Variants in MPND observed in about 807,000 individuals in gnomAD.
MPND encodes the protein MPN domain-containing protein.
A neutral mutation model predicts 59.2 loss-of-function variants in MPND; 56 were observed. The observed-to-expected ratio is 0.95, with a 90% CI of 0.76 to 1.18. The LOEUF (loss-of-function observed/expected upper bound fraction) is 1.18, where lower values mean the gene tolerates loss of function less well. Ranked by LOEUF, MPND falls within the 50% of genes most tolerant of loss-of-function variation. MPND has a pLI of 0.00. For missense variants in MPND, 671 were observed against 676.0 expected, an observed-to-expected ratio of 0.99 and a Z score of 0.08; for synonymous variants, 323 against 291.9, an observed-to-expected ratio of 1.11 and a Z score of -1.09.
chr19:4,352,884 CT>C lies in MPND; in HGVS notation c.532-12del, dbSNP rs769665643. Reference sequence around the variant, plus strand: ...AGGGTCCCACCGCTGTCCCTGACCCCTAACCCCTGCAGAGCCCAGCCAGTGA... The same window carrying C: ...AGGGTCCCACCGCTGTCCCTGACCCCAACCCCTGCAGAGCCCAGCCAGTGA... On this transcript the variant is annotated splice_polypyrimidine_tract_variant and intron_variant, in intron 3 of 12. Transcript: ENST00000599840. The C allele has an allele frequency of 1.5e-5, 20 of 1,359,994 alleles. No homozygotes were observed. Among genetic ancestry groups the C allele is most frequent in the Non-Finnish European group, 1.4e-5 (15 of 1,047,076 alleles). The allele number at this position is 1,359,994 out of a possible 1,614,324, so 84.2% of individuals were successfully genotyped here.
intron 4 of MPND, 146 bp downstream of exon 4, chr19:4,353,175 G>C: frequency 1.7e-6 from 1 of 583,922 alleles, no homozygotes; most frequent in Non-Finnish European, 2.6e-6. Flanking sequence ...GTCTGGAGCC[G>C]GACGAGGCCT....
chr19:4,350,452 C>T (rs761979837), intron 3 of MPND, among the ~76,000 whole-genome samples: 10 of 151,660 alleles, frequency 6.6e-5, no homozygotes, highest in South Asian at 2.1e-4. Context: ...ACTAGACTGT[C>T]GGGGGTTAGG....
At chr19:4,349,035 T>C (rs1443922882) in intron 3 of MPND, 1 of 216,430 alleles carries the variant, frequency 4.6e-6, no homozygotes, top group Non-Finnish European at 9.8e-6. Context: ...AGCAGAGGGG[T>C]TGAAAGAGTG....
chr19:4,343,746 G>A lies in MPND; in HGVS notation c.46G>A (p.Glu16Lys). ...PLSPAGGAGE[E>K]APEEDEDEAE... is the part of the protein sequence containing the mutation. The stretch of plus-strand genomic sequence containing the variant: ...GTCCCCGGCGGGCGGTGCGGGCGAG[G>A]AGGCGCCGGAGGAGGACGAGGACGA... Residue 16 changes from glutamate (E) to lysine (K), a missense_variant, in exon 2 of 13, where the codon GAG becomes AAG. Transcript: ENST00000599840. 3 of 1,208,494 alleles carry A rather than the reference G, an allele frequency of 2.5e-6. No individual in the cohort carries two copies. Among genetic ancestry groups the A allele is most frequent in the Non-Finnish European group, 3.1e-6 (3 of 972,384 alleles). 74.9% of individuals were successfully genotyped at this position (1,208,494 alleles called of 1,614,324 possible).
At chr19:4,351,192 C>T (rs1290545964) in intron 3 of MPND, among the ~76,000 whole-genome samples, 2 of 152,190 alleles carry the variant, frequency 1.3e-5, no homozygotes, top group African/African-American at 4.8e-5. Flanking sequence ...CAGTCTCCGC[C>T]TCCCGGGTTC....
chr19:4,347,824 A>C, intron 3 of MPND: 2 of 331,560 alleles, frequency 6.0e-6, no homozygotes, highest in Admixed American at 7.2e-5. Flanking sequence ...TCCAGTGTCT[A>C]CAAGGAACTG....
intron 3 of MPND, among the ~76,000 whole-genome samples, chr19:4,349,805 G>C (rs1972274197): frequency 6.6e-6 from 1 of 152,176 alleles, no homozygotes; most frequent in South Asian, 2.1e-4. Flanking sequence ...GCCAGCCATG[G>C]AGCCTGGTCA....
intron 3 of MPND, 34 bp downstream of exon 3, chr19:4,346,015 A>T: frequency 6.3e-7 from 1 of 1,576,398 alleles, no homozygotes; most frequent in East Asian, 2.3e-5. Context: ...GAAGCCGCCC[A>T]GGTCACTGTG....
At position 4,357,426 on chromosome 19, in the gene MPND, G is replaced by A. The variant is rs758958504; in HGVS notation, c.1165+5G>A. ...CCTGCCTCGCCCTGCTCTGCTGTAC[G>A]CGGGATGGGGCTGTGGGGGGAGCAA... On this transcript the variant is annotated splice_donor_5th_base_variant and intron_variant, in intron 9 of 12. Coordinates refer to ENST00000599840, the MANE Select transcript of MPND (RefSeq NM_001300862.2). The A allele has an allele frequency of 1.3e-5, 21 of 1,611,050 alleles. No individual in the cohort carries two copies. The highest frequency in any genetic ancestry group is 4.5e-5 in the East Asian group (2 of 44,874).
rs1472748911 is a variant in MPND, at chr19:4,345,082, C to T, written c.295-663C>T. ...TTTTTTTTTGAGACAGAGTCTCGCGCTGTTGCCCAGGCTGGAATGCAGTAG... is the reference window on the plus strand; with the variant it reads ...TTTTTTTTTGAGACAGAGTCTCGCGTTGTTGCCCAGGCTGGAATGCAGTAG... On this transcript the variant is annotated intron_variant, in intron 2 of 12. Coordinates refer to ENST00000599840, the MANE Select transcript of MPND (RefSeq NM_001300862.2). Among the ~76,000 whole-genome samples, 344 of 88,206 alleles carry T rather than the reference C, an allele frequency of 3.9e-3. No individual in the cohort carries two copies. In the Middle Eastern group the frequency reaches 0.049, roughly 13 times the overall value. The allele number at this position is 88,206 out of a possible 152,430, so 57.9% of individuals were successfully genotyped here. A position where few individuals can be genotyped will look rare whatever the true frequency, so the allele number is the denominator to read the frequency against.
chr19:4,345,981 G>A lies in MPND; in HGVS notation c.531G>A (p.Glu177=), dbSNP rs757079594. The A allele has an allele frequency of 1.2e-5, 19 of 1,609,510 alleles. No individual in the cohort carries two copies. Among genetic ancestry groups the A allele is most frequent in the Non-Finnish European group, 1.5e-5 (18 of 1,178,196 alleles). Residue 177 remains glutamate, a splice_region_variant and synonymous_variant, in exon 3 of 13, where the codon GAG becomes GAA. Coordinates refer to ENST00000599840, the MANE Select transcript of MPND (RefSeq NM_001300862.2). ...ACACGCCTGCCACGGCTGCTGATGA[G>A]GTACGTGCTGCAGCCTCCTCCAGGA... ...QLHTPATAAD[E]SPASEGEEEE...
At chr19:4,359,892 T>A in intron 12 of MPND, 24 bp from the exon 13 acceptor site, 1 of 1,545,188 alleles carries the variant, frequency 6.5e-7, no homozygotes, top group South Asian at 1.2e-5. Context: ...GGGCACAGCC[T>A]GAGGCCCAGC....
Position 4,343,572 on chromosome 19 carries a change from C to A in MPND, c.-22C>A, listed in dbSNP as rs917873083. ...TGCCGGGAAGCCGGAGTCTAGAGCT[C>A]CGGGCGCGGGGAGGCGCGGCCATGG... is the stretch of plus-strand genomic sequence containing the variant. On this transcript the variant is annotated 5_prime_UTR_variant, in exon 1 of 13. Transcript: ENST00000599840. 1.6e-6 allele frequency: 2 copies of A among 1,221,986 alleles called. No homozygotes were observed. Among genetic ancestry groups the A allele is most frequent in the Non-Finnish European group, 2.0e-6 (2 of 981,748 alleles). The allele number at this position is 1,221,986 out of a possible 1,614,324, so 75.7% of individuals were successfully genotyped here. A position where few individuals can be genotyped will look rare whatever the true frequency, so the allele number is the denominator to read the frequency against.
intron 3 of MPND, among the ~76,000 whole-genome samples, chr19:4,350,776 G>A (rs777518324): frequency 6.6e-6 from 1 of 152,068 alleles, no homozygotes; most frequent in Non-Finnish European, 1.5e-5. Flanking sequence ...GTCTGGAGCC[G>A]GGCGAGGCTT....
At chr19:4,350,052 T>G (rs976777309) in intron 3 of MPND, among the ~76,000 whole-genome samples, 7 of 151,312 alleles carry the variant, frequency 4.6e-5, no homozygotes, top group Non-Finnish European at 1.0e-4. Flanking sequence ...AATCCCTGCC[T>G]TTGGGTGGGA....
intron 3 of MPND, among the ~76,000 whole-genome samples, chr19:4,347,601 AC>A (rs1187977268): frequency 2.0e-5 from 3 of 152,138 alleles, no homozygotes; most frequent in Admixed American, 1.3e-4. Context: ...GAAGGAGTTA[AC>A]ACTAGTCCAT....
At chr19:4,344,658 G>C (rs1384913069) in intron 2 of MPND, among the ~76,000 whole-genome samples, 1 of 152,154 alleles carries the variant, frequency 6.6e-6, no homozygotes, top group Non-Finnish European at 1.5e-5. Context: ...GGGAAAATTA[G>C]GGGATGGTTA....
At position 4,348,015 on chromosome 19, in the gene MPND, G is replaced by C. The variant is rs182643246; in HGVS notation, c.531+2034G>C. ...CAAATGATTCTCCTGCCTCAGTCTC[G>C]CGAGTAGCTGGGATTACAGGCGCCC... On this transcript the variant is annotated intron_variant, in intron 3 of 12. Transcript: ENST00000599840. The C allele has an allele frequency of 8.3e-3, 1,220 of 146,872 alleles. 13 individuals are homozygous for C. The highest frequency in any genetic ancestry group is 0.03 in the African/African-American group (1,171 of 39,312). 9.1% of individuals were successfully genotyped at this position (146,872 alleles called of 1,614,324 possible). A position where few individuals can be genotyped will look rare whatever the true frequency, so the allele number is the denominator to read the frequency against.
intron 3 of MPND, among the ~76,000 whole-genome samples, chr19:4,352,268 C>T (rs932694310): frequency 2.0e-5 from 3 of 152,168 alleles, no homozygotes; most frequent in Non-Finnish European, 2.9e-5. Flanking sequence ...TGCAATCAGA[C>T]CTTGGCGATG....
Sources: gnomAD v4.1 joint callset for allele counts (sites outside exome capture counted in the v4.1 genomes callset) on GRCh38, gnomAD v4.1.1 for gene constraint, MANE v1.5 for transcripts, NCBI Gene and HGNC (gene_info 2026-07-23, HGNC 2026-07-21) for gene names.